Variants in KSR2 observed in about 807,000 individuals in gnomAD.
KSR2 encodes kinase suppressor of ras 2.
A neutral mutation model predicts 107.8 loss-of-function variants in KSR2; 25 were observed. The ratio of observed to expected loss-of-function variants is 0.23; its 90% CI spans 0.17 to 0.32. The LOEUF (loss-of-function observed/expected upper bound fraction) is 0.32, where lower values mean the gene tolerates loss of function less well. Ranked by LOEUF, KSR2 falls within the 10% of genes least tolerant of loss-of-function variation. The probability of loss-of-function intolerance (pLI) is 1.00; values close to 1 mark genes in which losing one functional copy is unlikely to be tolerated. For missense variants in KSR2, 887 were observed against 1,268.9 expected (o/e 0.70, Z 4.57); for synonymous variants, 480 against 507.0 (o/e 0.95, Z 0.71).
At chr12:117,502,881 C>G (rs1873462859) in intron 14 of KSR2, among the ~76,000 whole-genome samples, 1 of 152,114 alleles carries the variant, frequency 6.6e-6, no homozygotes, top group Non-Finnish European at 1.5e-5. Flanking sequence ...CAACAAAGAA[C>G]ATTTGTGTTC....
chr12:117,478,522 C>T (rs1045267994), intron 16 of KSR2, among the ~76,000 whole-genome samples: 5 of 152,038 alleles, frequency 3.3e-5, no homozygotes, highest in African/African-American at 1.2e-4. Flanking sequence ...GTCGCTTGAA[C>T]TCCTGGCCTC....
intron 3 of KSR2, among the ~76,000 whole-genome samples, chr12:117,838,233 T>G (rs1892321483): frequency 2.6e-5 from 4 of 152,238 alleles, no homozygotes; most frequent in African/African-American, 7.2e-5. Context: ...AATGGCACAA[T>G]CTCAGCTCAC....
rs73396658 is a variant in KSR2, at chr12:117,704,213, T to C, written c.987-36555A>G. Among the ~76,000 whole-genome samples the C allele has an allele frequency of 6.9e-3, 1,048 of 152,296 alleles. 9 individuals are homozygous for C. Among genetic ancestry groups the C allele is most frequent in the African/African-American group, 0.024 (1,000 of 41,564 alleles). On this transcript the variant is annotated intron_variant, in intron 4 of 19. Coordinates refer to ENST00000339824, the MANE Select transcript of KSR2 (RefSeq NM_173598.6). ...AAAAGTCTTTCGTATCAACAGTCTT[T>C]AGTTATGGAAACTCAACTTTCCAAA...
intron 18 of KSR2, among the ~76,000 whole-genome samples, chr12:117,470,022 A>ATCCG (rs1373119927): frequency 1.3e-5 from 2 of 150,714 alleles, no homozygotes; most frequent in African/African-American, 4.9e-5. Context: ...CCATCCATCC[A>ATCCG]GTATGTATCT....
At chr12:117,664,306 C>A (rs140663842) in intron 5 of KSR2, among the ~76,000 whole-genome samples, 36 of 152,262 alleles carry the variant, frequency 2.4e-4, no homozygotes, top group Middle Eastern at 3.4e-3. Flanking sequence ...CCAGGCGTTA[C>A]CATCATGGGG....
chr12:117,789,552 CG>C (rs1890187792), intron 3 of KSR2, among the ~76,000 whole-genome samples: 1 of 152,196 alleles, frequency 6.6e-6, no homozygotes, highest in African/African-American at 2.4e-5. Flanking sequence ...CAAGGTCACA[CG>C]GTAGAAAGAA....
intron 9 of KSR2, among the ~76,000 whole-genome samples, chr12:117,552,561 C>T (rs1565896963): frequency 6.6e-6 from 1 of 152,226 alleles, no homozygotes; most frequent in East Asian, 1.9e-4. Flanking sequence ...AGCATTACAG[C>T]AAGTCCATAT....
chr12:117,522,407 G>C (rs1214299047), intron 14 of KSR2, among the ~76,000 whole-genome samples: 1 of 152,050 alleles, frequency 6.6e-6, no homozygotes, highest in Non-Finnish European at 1.5e-5. Flanking sequence ...TGGAGAGAAG[G>C]CCAGGGGTGG....
At chr12:117,700,081 A>T (rs1174580566) in intron 4 of KSR2, among the ~76,000 whole-genome samples, 1 of 150,394 alleles carries the variant, frequency 6.6e-6, no homozygotes, top group Non-Finnish European at 1.5e-5. Flanking sequence ...CGGTTTCACC[A>T]TGTTGGCCAG....
chr12:117,856,887 A>G (rs1893121337), intron 2 of KSR2, among the ~76,000 whole-genome samples: 1 of 152,170 alleles, frequency 6.6e-6, no homozygotes, highest in South Asian at 2.1e-4. Context: ...CTGTCTCAGT[A>G]CAAAAAATTA....
intron 3 of KSR2, among the ~76,000 whole-genome samples, chr12:117,826,796 C>A (rs1479516726): frequency 6.6e-6 from 1 of 151,968 alleles, no homozygotes; most frequent in African/African-American, 2.4e-5. Context: ...GTTTCAACAT[C>A]ATGGACAGCT....
At chr12:117,586,210 T>A (rs10850846) in intron 5 of KSR2, among the ~76,000 whole-genome samples, 24,591 of 151,320 alleles carry the variant, frequency 0.16, 2,149 homozygotes, top group Non-Finnish European at 0.18. Flanking sequence ...GAAAAATACG[T>A]GAGGATATAC....
chr12:117,600,444 C>T (rs1423116780), intron 5 of KSR2, among the ~76,000 whole-genome samples: 1 of 152,176 alleles, frequency 6.6e-6, no homozygotes, highest in Non-Finnish European at 1.5e-5. Flanking sequence ...GCTCTGAATG[C>T]GTCCCTGGAC....
At chr12:117,890,446 C>A (rs1170894294) in intron 1 of KSR2, among the ~76,000 whole-genome samples, 1 of 152,230 alleles carries the variant, frequency 6.6e-6, no homozygotes, top group Non-Finnish European at 1.5e-5. Context: ...AGCTTCTGAG[C>A]TCCAGAGTAA....
intron 5 of KSR2, among the ~76,000 whole-genome samples, chr12:117,639,902 G>A (rs1160260803): frequency 6.6e-6 from 1 of 151,936 alleles, no homozygotes; most frequent in African/African-American, 2.4e-5. Context: ...CCACCTCCCC[G>A]ACAGTAGAAT....
chr12:117,796,136 C>T (rs1890620001), intron 3 of KSR2, among the ~76,000 whole-genome samples: 1 of 152,034 alleles, frequency 6.6e-6, no homozygotes. Context: ...TCACTAGCTT[C>T]CCCATGCTGG....
At chr12:117,791,955 G>A (rs1340029310) in intron 3 of KSR2, among the ~76,000 whole-genome samples, 1 of 152,178 alleles carries the variant, frequency 6.6e-6, no homozygotes, top group African/African-American at 2.4e-5. Context: ...TGCCCACAAT[G>A]AGTGCCCACT....
rs528570805 is a variant in KSR2 at position 117,593,393 on chromosome 12, G to C, written c.1172-11034C>G. 5.3e-5 allele frequency among the ~76,000 whole-genome samples: 8 copies of C among 152,340 alleles called. No homozygotes were observed. In the South Asian group the frequency reaches 1.5e-3, roughly 28 times the overall value. On this transcript the variant is annotated intron_variant, in intron 5 of 19. Transcript: ENST00000339824. The stretch of plus-strand genomic sequence containing the variant: ...GCAGTAGCTTGATAGGTGCAGGGCA[G>C]GGGGAGATGGGAGACACGCAGACCA...
At chr12:117,695,574 G>T (rs1418083913) in intron 4 of KSR2, among the ~76,000 whole-genome samples, 2 of 151,608 alleles carry the variant, frequency 1.3e-5, no homozygotes, top group East Asian at 3.9e-4. Flanking sequence ...AGCTGGATGG[G>T]GTGGCACACA....
Sources: allele counts gnomAD v4.1 joint callset (sites outside exome capture counted in the v4.1 genomes callset), GRCh38; gene constraint gnomAD v4.1.1; transcripts MANE v1.5; gene names NCBI Gene and HGNC (gene_info 2026-07-23, HGNC 2026-07-21).